Variants in EPG5 observed in about 807,000 individuals in gnomAD.
EPG5 encodes ectopic P-granules 5 autophagy tethering factor.
Under a neutral mutation model 302.7 loss-of-function variants are expected in EPG5, and 159 were observed. The observed-to-expected ratio is 0.53, with a 90% CI of 0.46 to 0.60. The LOEUF (loss-of-function observed/expected upper bound fraction) is 0.60. EPG5 is among the 20% of genes least tolerant of loss of function. EPG5 has a pLI of 0.00. For missense variants in EPG5, 2,896 were observed against 3,092.4 expected (o/e 0.94, Z 1.51); for synonymous variants, 1,158 against 1,136.8 (o/e 1.02, Z -0.37).
intron 31 of EPG5, among the ~76,000 whole-genome samples, chr18:45,880,786 T>A (rs79814342): frequency 0.065 from 9,944 of 152,054 alleles, 560 homozygotes; most frequent in African/African-American, 0.15. Flanking sequence ...AGGAATAATA[T>A]CTCCTAAAGT....
chr18:45,852,545 A>G lies in EPG5; in HGVS notation c.7662T>C (p.Leu2554=). Residue 2554 remains leucine (L), a synonymous_variant, in exon 44 of 44, where the codon CTT becomes CTC. Coordinates refer to ENST00000282041, the MANE Select transcript of EPG5 (RefSeq NM_020964.3). The part of the protein sequence containing the change: ...TQFIRHPGHC[L]QDGKSFLALL... The stretch of plus-strand genomic sequence containing the variant: ...GAGCCAAGAAGCTTTTCCCATCTTG[A>G]AGGCAATGGCCAGGATGCCTTATAA... The G allele has an allele frequency of 6.2e-7, 1 of 1,614,166 alleles. No homozygotes were observed.
chr18:45,886,609 GTT>G (rs1468817708), intron 29 of EPG5, among the ~76,000 whole-genome samples: 2 of 152,076 alleles, frequency 1.3e-5, no homozygotes, highest in African/African-American at 4.8e-5. Flanking sequence ...TTATAAGAAA[GTT>G]TTCTTCTTCA....
intron 2 of EPG5, among the ~76,000 whole-genome samples, chr18:45,954,156 G>A (rs1370188394): frequency 2.0e-5 from 3 of 152,170 alleles, no homozygotes; most frequent in Admixed American, 1.3e-4. Context: ...ACTTGAGAAC[G>A]GCTGTCCCAT....
At position 45,857,927 on chromosome 18, in the gene EPG5, G is replaced by A. The variant is rs148229334; in HGVS notation, c.7368C>T (p.Leu2456=). The stretch of plus-strand genomic sequence containing the variant: ...CAGAGCTGAGTCTCTCCTCAGCCAC[G>A]AGGTTCTGCCTGCTCTGAACCAAGA... ...ILLLVQSRQN[L]VAEERLSSGI... is the part of the protein sequence containing the mutation. The change falls in exon 42 of 44, where the codon CTC becomes CTT. Residue 2456 remains leucine, a synonymous_variant. Coordinates refer to ENST00000282041, the MANE Select transcript of EPG5 (RefSeq NM_020964.3). 292 of 1,612,920 alleles carry A rather than the reference G, an allele frequency of 1.8e-4. 1 individual carries two copies. The East Asian group carries it at 6.1e-3, about 34-fold the overall frequency.
chr18:45,862,117 G>A (rs1187987228), intron 39 of EPG5, among the ~76,000 whole-genome samples: 2 of 152,146 alleles, frequency 1.3e-5, no homozygotes, highest in Non-Finnish European at 2.9e-5. Context: ...CCCAGATGAT[G>A]TAATGGCTTT....
At position 45,910,553 on chromosome 18, in the gene EPG5, C is replaced by A. The variant is rs1478022515; in HGVS notation, c.4173G>T (p.Leu1391=). 4.3e-6 allele frequency: 7 copies of A among 1,612,334 alleles called. No homozygotes were observed. The East Asian group carries it at 1.3e-4, about 31-fold the overall frequency. Residue 1391 remains leucine, a synonymous_variant, in exon 23 of 44, where the codon CTG becomes CTT. Coordinates refer to ENST00000282041, the MANE Select transcript of EPG5 (RefSeq NM_020964.3). ...GCTCCTTGTGCAGTTCTGGTGAAGT[C>A]AGGTAACCAGGGGTGCCAGAGTGGC... The part of the protein sequence containing the change: ...PESHSGTPGY[L]TSPELHKELV...
chr18:45,918,037 G>A (rs1387087839), intron 16 of EPG5, among the ~76,000 whole-genome samples: 1 of 152,206 alleles, frequency 6.6e-6, no homozygotes, highest in East Asian at 1.9e-4. Context: ...TGAGGAAGGT[G>A]AAGTATCATG....
At chr18:45,956,053 C>CATAG (rs1428773341) in intron 1 of EPG5, among the ~76,000 whole-genome samples, 1 of 152,170 alleles carries the variant, frequency 6.6e-6, no homozygotes, top group Non-Finnish European at 1.5e-5. Flanking sequence ...AAAGTATCTC[C>CATAG]TCCCAAATAT....
chr18:45,888,684 C>A (rs2049270469), intron 28 of EPG5, among the ~76,000 whole-genome samples: 1 of 152,156 alleles, frequency 6.6e-6, no homozygotes, highest in African/African-American at 2.4e-5. Context: ...AAGTGATCCG[C>A]CCACCTTGGC....
At chr18:45,940,805 AAAAG>A (rs1268665534) in intron 9 of EPG5, among the ~76,000 whole-genome samples, 1 of 152,188 alleles carries the variant, frequency 6.6e-6, no homozygotes, top group Non-Finnish European at 1.5e-5. Flanking sequence ...TGTGGGGTAT[AAAAG>A]AAAGAAAAGC....
At chr18:45,867,809 G>T in intron 36 of EPG5, 61 bp from the exon 37 acceptor site, 1 of 1,402,780 alleles carries the variant, frequency 7.1e-7, no homozygotes, top group South Asian at 1.3e-5. Flanking sequence ...TCTGGAAAAT[G>T]TATGTAAATT....
intron 37 of EPG5, 30 bp downstream of exon 37, chr18:45,867,533 G>T: frequency 6.3e-7 from 1 of 1,599,350 alleles, no homozygotes; most frequent in Non-Finnish European, 8.6e-7. Context: ...CAGCCTTGCC[G>T]AATTTTTGCC....
the EPG5 span, among the ~76,000 whole-genome samples, chr18:45,801,091 C>T: frequency 1.3e-5 from 2 of 152,116 alleles, no homozygotes; most frequent in Non-Finnish European, 2.9e-5. Flanking sequence ...GGCTGGAGTG[C>T]AGTGGTACGA....
intron 10 of EPG5, among the ~76,000 whole-genome samples, chr18:45,939,195 C>T (rs2050606382): frequency 1.3e-5 from 2 of 152,224 alleles, no homozygotes; most frequent in South Asian, 4.1e-4. Context: ...AAAACCCTTA[C>T]CGGAAGGCAA....
the EPG5 span, chr18:45,840,146 G>T: frequency 1.9e-6 from 3 of 1,583,184 alleles, no homozygotes; most frequent in East Asian, 4.5e-5. Context: ...ATGGGTGGGG[G>T]TGGGCGCACA....
In EPG5 at chr18:45,857,760, C is replaced by T. The variant is rs28605020; in HGVS notation, c.7442+93G>A. ...TTTCTGGAGAACCTAGATCCTAAGT[C>T]GAAAAACCTACTGAAGTATATCACA... On this transcript the variant is annotated intron_variant, in intron 42 of 43. Transcript: ENST00000282041. 4.8e-3 allele frequency: 4,380 copies of T among 918,082 alleles called. 68 individuals carry two copies. Among genetic ancestry groups the T allele is most frequent in the African/African-American group, 0.043 (2,562 of 59,368 alleles). The allele number at this position is 918,082 out of a possible 1,614,324, so 56.9% of individuals were successfully genotyped here. A position where few individuals can be genotyped will look rare whatever the true frequency, so the allele number is the denominator to read the frequency against.
the EPG5 span, among the ~76,000 whole-genome samples, chr18:45,833,849 A>G: frequency 1.3e-3 from 194 of 152,340 alleles, 1 homozygote; most frequent in Non-Finnish European, 2.6e-3. Flanking sequence ...TGCTGTAGTA[A>G]TGAAGCACAT....
chr18:45,939,249 CA>C (rs771879447), intron 10 of EPG5, among the ~76,000 whole-genome samples: 3 of 152,238 alleles, frequency 2.0e-5, no homozygotes, highest in Non-Finnish European at 4.4e-5. Flanking sequence ...ACATGCTGCA[CA>C]CCTACTGCGT....
rs544659307 is a variant in EPG5 at position 45,947,314 on chromosome 18, G to A, written c.1572-546C>T. 6.6e-5 allele frequency among the ~76,000 whole-genome samples: 10 copies of A among 152,164 alleles called. No homozygotes were observed. In the South Asian group the frequency reaches 1.0e-3, roughly 16 times the overall value. On this transcript the variant is annotated intron_variant, in intron 6 of 43. Coordinates refer to ENST00000282041, the MANE Select transcript of EPG5 (RefSeq NM_020964.3). ...TGCAGTCCCAGCTACTCAGGAGGCC[G>A]AGGCAGGAGAATCTCTTGAACCCAG...
Sources: allele counts gnomAD v4.1 joint callset (sites outside exome capture counted in the v4.1 genomes callset), GRCh38; gene constraint gnomAD v4.1.1; transcripts MANE v1.5; gene names NCBI Gene and HGNC (gene_info 2026-07-23, HGNC 2026-07-21).